The following R3HCC1 variants were observed in gnomAD, a reference collection of about 807,000 sequenced individuals.
R3HCC1 encodes R3H domain and coiled-coil containing 1.
A neutral mutation model predicts 40.0 loss-of-function variants in R3HCC1; 32 were observed. That is an observed-to-expected ratio of 0.80 (90% confidence interval 0.60 to 1.07). R3HCC1 has a LOEUF of 1.07. Among genes scored for constraint, R3HCC1 ranks in the 50% least tolerant of loss-of-function variants. The probability of loss-of-function intolerance (pLI) is 0.00; values close to 1 mark genes in which losing one functional copy is unlikely to be tolerated. For missense variants in R3HCC1, 586 were observed against 563.3 expected, an observed-to-expected ratio of 1.04 and a Z score of -0.41; for synonymous variants, 237 against 232.8, an observed-to-expected ratio of 1.02 and a Z score of -0.17.
In R3HCC1 at chr8:23,296,136, G is replaced by A. The variant is rs745984027; in HGVS notation, c.*39G>A. On this transcript the variant is annotated 3_prime_UTR_variant, in exon 8 of 8. Transcript: ENST00000265806. ...AACTGGCCTGGATCTGCGTCCCGAC[G>A]TAGCTGGCGCCCCCAACACCATAAG... is the stretch of plus-strand genomic sequence containing the variant. 11 of 1,530,096 alleles carry A rather than the reference G, an allele frequency of 7.2e-6. No homozygotes were observed. The South Asian group carries it at 7.3e-5, about 10-fold the overall frequency. The allele number at this position is 1,530,096 out of a possible 1,614,324, so 94.8% of individuals were successfully genotyped here. A position where few individuals can be genotyped will look rare whatever the true frequency, so the allele number is the denominator to read the frequency against.
At chr8:23,291,937 A>G (rs1476156501) in intron 5 of R3HCC1, among the ~76,000 whole-genome samples, 1 of 152,218 alleles carries the variant, frequency 6.6e-6, no homozygotes, top group Admixed American at 6.5e-5. Flanking sequence ...GGGTGCACTG[A>G]GCAGCCTGCT....
At chr8:23,288,960 C>G in intron 2 of R3HCC1, 56 bp from the exon 3 acceptor site, 1 of 1,526,260 alleles carries the variant, frequency 6.6e-7, no homozygotes, top group East Asian at 2.5e-5. Context: ...GGGAGTGGAC[C>G]TGGTAGGGGC....
chr8:23,293,179 A>G, intron 5 of R3HCC1, 124 bp from the exon 6 acceptor site: 2 of 707,534 alleles, frequency 2.8e-6, no homozygotes, highest in Non-Finnish European at 4.8e-6. Context: ...CCCAGAAGAG[A>G]TGGGACCTTG....
intron 6 of R3HCC1, 45 bp from the exon 7 acceptor site, chr8:23,294,724 T>G: frequency 6.9e-7 from 1 of 1,447,362 alleles, no homozygotes; most frequent in Non-Finnish European, 9.5e-7. Flanking sequence ...TGCCGCGGGG[T>G]CCTGAGGAGG....
rs775038999 is a variant in R3HCC1 at position 23,290,151 on chromosome 8, C to T, written c.534C>T (p.Pro178=). 2.0e-5 allele frequency: 31 copies of T among 1,551,546 alleles called. No homozygotes were observed. The highest frequency in any genetic ancestry group is 7.8e-5 in the Admixed American group (4 of 50,994). Residue 178 remains proline (P), a synonymous_variant, in exon 4 of 8, where the codon CCC becomes CCT. Transcript: ENST00000265806. ...CTGGAGATGTTGGTGCTGGAGACCCCAACTCTGATCAGGGACTCCCTGTGC... is the reference window on the plus strand; with the variant it reads ...CTGGAGATGTTGGTGCTGGAGACCCTAACTCTGATCAGGGACTCCCTGTGC...
Position 23,289,926 on chromosome 8 carries a change from G to C in R3HCC1, c.309G>C (p.Arg103Ser), listed in dbSNP as rs748623094. The change falls in exon 4 of 8, where the codon AGG becomes AGC. Residue 103 changes from arginine to serine, a missense_variant. Arg to Ser is a moderately radical substitution (Grantham distance 110, BLOSUM62 -1). Transcript: ENST00000265806. ...GCGCTCCTGCCTCCTGCCCCAGCAGGTACCACGGTCCTCGGCCCATCTCCA... is the reference window on the plus strand; with the variant it reads ...GCGCTCCTGCCTCCTGCCCCAGCAGCTACCACGGTCCTCGGCCCATCTCCA... The C allele has an allele frequency of 6.5e-7, 1 of 1,535,836 alleles. No homozygotes were observed. Among genetic ancestry groups the C allele is most frequent in the South Asian group, 1.2e-5 (1 of 84,002 alleles).
In R3HCC1 at chr8:23,295,997, A is replaced by G. The variant is rs1245348688; in HGVS notation, c.1223A>G (p.Gln408Arg). ...CTGCGTCTGGTGAAGGAGAGGCCAC[A>G]GACAAATGCGACTGTGGCCCGGCGG... Residue 408 changes from glutamine (Q) to arginine (R), a missense_variant, in exon 8 of 8, where the codon CAG becomes CGG. Gln to Arg is a conservative substitution (Grantham distance 43). Transcript: ENST00000265806. 1.9e-6 allele frequency: 3 copies of G among 1,550,998 alleles called. No individual in the cohort carries two copies. The highest frequency in any genetic ancestry group is 1.7e-6 in the Non-Finnish European group (2 of 1,146,858).
Position 23,293,300 on chromosome 8 carries a change from C to G in R3HCC1, c.1026-3C>G, listed in dbSNP as rs1219798252. The G allele has an allele frequency of 4.5e-6, 7 of 1,550,656 alleles. No individual in the cohort carries two copies. Among genetic ancestry groups the G allele is most frequent in the African/African-American group, 1.4e-5 (1 of 73,116 alleles). ...ATGTGCTGTCTCCTCTCTCGCCGCA[C>G]AGAGAGAAGGGGTTCAGGATTCAGT... On this transcript the variant is annotated splice_polypyrimidine_tract_variant and splice_region_variant and intron_variant, in intron 5 of 7. Transcript: ENST00000265806.
intron 7 of R3HCC1, chr8:23,295,481 ACACG>A (rs1802987086): frequency 2.2e-6 from 1 of 457,554 alleles, no homozygotes; most frequent in African/African-American, 2.0e-5. Context: ...GAGATTTTAG[ACACG>A]AGTTTTCCAT....
chr8:23,288,878 C>T lies in R3HCC1; in HGVS notation c.111-138C>T, dbSNP rs1306188557. 3 of 1,073,200 alleles carry T rather than the reference C, an allele frequency of 2.8e-6. No homozygotes were observed. In the African/African-American group the frequency reaches 4.8e-5, roughly 17 times the overall value. The allele number at this position is 1,073,200 out of a possible 1,614,324, so 66.5% of individuals were successfully genotyped here. A position where few individuals can be genotyped will look rare whatever the true frequency, so the allele number is the denominator to read the frequency against. ...GTCCCTGCGATCACCTCTATCTATG[C>T]TCAGATCCTTTGCAGTCCATCTGGG... On this transcript the variant is annotated intron_variant, in intron 2 of 7. Coordinates refer to ENST00000265806, the MANE Select transcript of R3HCC1 (RefSeq NM_001136108.3).
rs1273612918 is a variant in R3HCC1 at position 23,290,607 on chromosome 8, A to G, written c.852+138A>G. On this transcript the variant is annotated intron_variant, in intron 4 of 7. Coordinates refer to ENST00000265806, the MANE Select transcript of R3HCC1 (RefSeq NM_001136108.3). ...TAGGGCTGGGTGTTGGGTGACAGGGATTCCTTAGGGAACTCAGGAGATGAG... is the reference window on the plus strand; with the variant it reads ...TAGGGCTGGGTGTTGGGTGACAGGGGTTCCTTAGGGAACTCAGGAGATGAG... 2.8e-6 allele frequency: 3 copies of G among 1,060,398 alleles called. No homozygotes were observed. The East Asian group carries it at 7.8e-5, about 28-fold the overall frequency. The allele number at this position is 1,060,398 out of a possible 1,614,324, so 65.7% of individuals were successfully genotyped here. A position where few individuals can be genotyped will look rare whatever the true frequency, so the allele number is the denominator to read the frequency against.
At chr8:23,289,287 C>G in intron 3 of R3HCC1, 134 bp downstream of exon 3, 1 of 1,006,314 alleles carries the variant, frequency 9.9e-7, no homozygotes, top group Non-Finnish European at 1.4e-6. Context: ...CTAGCTGCAG[C>G]TGCTCAGCCA....
At position 23,289,993 on chromosome 8, in the gene R3HCC1, C is replaced by G. The variant is rs773639323; in HGVS notation, c.376C>G (p.Arg126Gly). The change falls in exon 4 of 8, where the codon CGG (arginine) becomes GGG (glycine). Residue 126 changes from arginine (R) to glycine (G), a missense_variant. Arg to Gly is a moderately radical substitution (Grantham distance 125). Transcript: ENST00000265806. Reference sequence around the variant, plus strand: ...GGTTCCCCGAGGTGCCCGGGCTGGCCGGTGGTATCGTGGACGCAAGCCTGA... The same window carrying G: ...GGTTCCCCGAGGTGCCCGGGCTGGCGGGTGGTATCGTGGACGCAAGCCTGA... The G allele has an allele frequency of 2.0e-6, 3 of 1,537,130 alleles. No homozygotes were observed. Among genetic ancestry groups the G allele is most frequent in the Non-Finnish European group, 2.6e-6 (3 of 1,146,930 alleles).
At chr8:23,294,075 G>T (rs1322185235) in intron 6 of R3HCC1, among the ~76,000 whole-genome samples, 3 of 152,180 alleles carry the variant, frequency 2.0e-5, no homozygotes, top group Non-Finnish European at 4.4e-5. Context: ...TTGCTGCTGG[G>T]GCCCAGTCCT....
At chr8:23,293,695 G>A (rs193229903) in intron 6 of R3HCC1, among the ~76,000 whole-genome samples, 5 of 152,240 alleles carry the variant, frequency 3.3e-5, no homozygotes, top group African/African-American at 1.2e-4. Context: ...GCAAAGTGCT[G>A]CTTTAACGGC....
At position 23,288,560 on chromosome 8, in the gene R3HCC1, T is replaced by TCAG; in HGVS notation, c.39_41dup (p.Ala14dup). 6.5e-7 allele frequency: 1 copy of TCAG among 1,535,946 alleles called. No individual in the cohort carries two copies. Among genetic ancestry groups the TCAG allele is most frequent in the South Asian group, 1.2e-5 (1 of 84,054 alleles). Reference sequence around the variant, plus strand: ...CTGCTTGGATGGTGTCTTCCTCTCCTCAGCCGAGAATGACTTCGTCCACCG... The same window carrying TCAG: ...CTGCTTGGATGGTGTCTTCCTCTCCTCAGCAGCCGAGAATGACTTCGTCCACCG... On this transcript the variant is annotated inframe_insertion, in exon 2 of 8. Transcript: ENST00000265806.
In R3HCC1 at chr8:23,291,383, A is replaced by C. The variant is rs1238951990; in HGVS notation, c.875A>C (p.Lys292Thr). The change falls in exon 5 of 8, where the codon AAG (lysine) becomes ACG (threonine). Residue 292 changes from lysine to threonine, a missense_variant. Coordinates refer to ENST00000265806, the MANE Select transcript of R3HCC1 (RefSeq NM_001136108.3). The stretch of plus-strand genomic sequence containing the variant: ...TAGATCACAGACAACCTGACGAAGA[A>C]GGAGATTCAGATAGAGAAGATCCAT... The C allele has an allele frequency of 3.9e-6, 6 of 1,551,716 alleles. No homozygotes were observed. Among genetic ancestry groups the C allele is most frequent in the Non-Finnish European group, 5.2e-6 (6 of 1,146,970 alleles).
intron 3 of R3HCC1, 149 bp from the exon 4 acceptor site, chr8:23,289,717 C>A: frequency 8.4e-7 from 1 of 1,193,914 alleles, no homozygotes; most frequent in Non-Finnish European, 1.1e-6. Context: ...ACTGTGATGC[C>A]TTCCTAAGGG....
In R3HCC1 at chr8:23,295,947, C is replaced by G. The variant is rs1803004880; in HGVS notation, c.1193-20C>G. 2 of 1,544,830 alleles carry G rather than the reference C, an allele frequency of 1.3e-6. No homozygotes were observed. The highest frequency in any genetic ancestry group is 2.5e-5 in the East Asian group (1 of 40,776). ...CCACGACCTTGTGTTTAGGTCCCCA[C>G]TGTGGGGCTTTCCTTCTAGAACTCC... On this transcript the variant is annotated intron_variant, in intron 7 of 7. Coordinates refer to ENST00000265806, the MANE Select transcript of R3HCC1 (RefSeq NM_001136108.3).
Sources: allele counts gnomAD v4.1 joint callset (sites outside exome capture counted in the v4.1 genomes callset), GRCh38; gene constraint gnomAD v4.1.1; transcripts MANE v1.5; gene names NCBI Gene and HGNC (gene_info 2026-07-23, HGNC 2026-07-21).